STAG1: variants seen among roughly 807,000 people sequenced by gnomAD.
The protein encoded by STAG1 is STAG1 cohesin complex component, also known as cohesin subunit SA-1.
In STAG1, 26 loss-of-function variants were observed where a neutral mutation model predicts 170.9. The ratio of observed to expected loss-of-function variants is 0.15; its 90% CI spans 0.11 to 0.21. The LOEUF is 0.21. Ranked by LOEUF, STAG1 falls within the 10% of genes least tolerant of loss-of-function variation. The pLI, the probability that STAG1 is intolerant of heterozygous loss-of-function variation, is 1.00. For synonymous variants in STAG1, 514 were observed against 497.7 expected, an observed-to-expected ratio of 1.03 and a Z score of -0.44; for missense variants, 964 against 1,509.5, an observed-to-expected ratio of 0.64 and a Z score of 5.99.
At chr3:136,574,415 G>A (rs1301003271) in intron 4 of STAG1, among the ~76,000 whole-genome samples, 1 of 151,110 alleles carries the variant, frequency 6.6e-6, no homozygotes, top group African/African-American at 2.4e-5. Context: ...ACAATAACAG[G>A]TTTCTTATGG....
chr3:136,667,912 G>A (rs1941845821), intron 1 of STAG1, among the ~76,000 whole-genome samples: 1 of 152,084 alleles, frequency 6.6e-6, no homozygotes, highest in African/African-American at 2.4e-5. Context: ...ACCTGGCCGG[G>A]CATGGTGGCT....
At chr3:136,500,355 C>T in intron 8 of STAG1, 59 bp from the exon 9 acceptor site, 1 of 1,184,448 alleles carries the variant, frequency 8.4e-7, no homozygotes, top group Non-Finnish European at 1.2e-6. Flanking sequence ...GAAGGAACAG[C>T]TCCAATTGTT....
In STAG1 at chr3:136,623,169, T is replaced by C. The variant is rs1939941739; in HGVS notation, c.109A>G (p.Arg37Gly). ...EETEVKGKRK[R>G]GRPGRPPSTN... ...ACTGGAGGCCGGCCAGGACGACCCC[T>C]TTTTCTTTTTCCTTTGACCTCTGTT... The change falls in exon 3 of 34, where the codon AGG (arginine) becomes GGG (glycine). Residue 37 changes from arginine to glycine, a missense_variant. Transcript: ENST00000383202. The C allele has an allele frequency of 6.2e-7, 1 of 1,612,612 alleles. No individual in the cohort carries two copies. The highest frequency in any genetic ancestry group is 8.5e-7 in the Non-Finnish European group (1 of 1,179,024).
intron 15 of STAG1, among the ~76,000 whole-genome samples, chr3:136,441,811 A>C (rs1411663893): frequency 6.6e-6 from 1 of 152,208 alleles, no homozygotes; most frequent in Non-Finnish European, 1.5e-5. Context: ...TACACAAGGA[A>C]ATAATCTCTG....
intron 5 of STAG1, among the ~76,000 whole-genome samples, chr3:136,566,960 C>T (rs772740892): frequency 4.6e-5 from 7 of 151,980 alleles, no homozygotes; most frequent in Admixed American, 1.3e-4. Flanking sequence ...CTTTTGTGTA[C>T]GACAGGTGAG....
At chr3:136,542,049 T>C (rs1935936423) in intron 6 of STAG1, 70 bp downstream of exon 6, 1 of 1,157,026 alleles carries the variant, frequency 8.6e-7, no homozygotes. Flanking sequence ...AAACAAAACC[T>C]GAGATAATCA....
chr3:136,450,663 AAC>A (rs2088910225), intron 14 of STAG1, among the ~76,000 whole-genome samples: 1 of 152,238 alleles, frequency 6.6e-6, no homozygotes, highest in Non-Finnish European at 1.5e-5. Flanking sequence ...ACAAATCAAA[AAC>A]ACTTTTTAAC....
At chr3:136,456,993 T>C (rs575900645) in intron 13 of STAG1, among the ~76,000 whole-genome samples, 1 of 152,306 alleles carries the variant, frequency 6.6e-6, no homozygotes, top group Non-Finnish European at 1.5e-5. Flanking sequence ...AGCTGCCTTA[T>C]AAAAAATGCC....
At chr3:136,501,676 C>G (rs1933480645) in intron 8 of STAG1, among the ~76,000 whole-genome samples, 1 of 152,134 alleles carries the variant, frequency 6.6e-6, no homozygotes, top group Admixed American at 6.5e-5. Flanking sequence ...GTTTGTGGTA[C>G]TTTGTCACAG....
chr3:136,390,776 G>A (rs1187860682), intron 22 of STAG1, among the ~76,000 whole-genome samples: 4 of 152,142 alleles, frequency 2.6e-5, no homozygotes, highest in South Asian at 2.1e-4. Flanking sequence ...CAGGAATTCC[G>A]GGCCAGGACT....
chr3:136,537,621 C>T (rs1355327585), intron 6 of STAG1, among the ~76,000 whole-genome samples: 5 of 151,458 alleles, frequency 3.3e-5, no homozygotes, highest in South Asian at 4.2e-4. Flanking sequence ...CTGCCTCAGC[C>T]TCCCCATTAG....
In STAG1 at chr3:136,460,682, TCCC is replaced by T. The variant is rs567900095; in HGVS notation, c.1313+4196_1313+4198del. Among the ~76,000 whole-genome samples the T allele has an allele frequency of 2.1e-5, 3 of 140,674 alleles. No individual in the cohort carries two copies. In the Admixed American group the frequency reaches 2.2e-4, roughly 10 times the overall value. The allele number at this position is 140,674 out of a possible 152,430, so 92.3% of individuals were successfully genotyped here. A position where few individuals can be genotyped will look rare whatever the true frequency, so the allele number is the denominator to read the frequency against. On this transcript the variant is annotated intron_variant, in intron 13 of 33. Transcript: ENST00000383202. ...ATGATACTGAAGCACTAATAAAGTC[TCCC>T]CCCCCAAAAAAAAAAGCCCGGTACC...
Position 136,421,139 on chromosome 3 carries a change from T to C in STAG1, c.2062A>G (p.Ile688Val), listed in dbSNP as rs753887988. Residue 688 changes from isoleucine to valine, a missense_variant, in exon 20 of 34, where the codon ATT becomes GTT. By Grantham distance (29) the Ile-to-Val change is conservative (BLOSUM62 3). Coordinates refer to ENST00000383202, the MANE Select transcript of STAG1 (RefSeq NM_005862.3). ...QEGEEADDDD[I>V]YNVLSTLKRL... Reference sequence around the variant, plus strand: ...TTTAATGTAGAAAGAACATTGTAAATGTCATCATCATCAGCTTCTTCTCCC... The same window carrying C: ...TTTAATGTAGAAAGAACATTGTAAACGTCATCATCATCAGCTTCTTCTCCC... 1.2e-6 allele frequency: 2 copies of C among 1,608,418 alleles called. No homozygotes were observed. The highest frequency in any genetic ancestry group is 2.2e-5 in the South Asian group (2 of 90,000).
At chr3:136,646,717 C>T (rs1274345771) in intron 1 of STAG1, among the ~76,000 whole-genome samples, 4 of 151,978 alleles carry the variant, frequency 2.6e-5, no homozygotes, top group Non-Finnish European at 5.9e-5. Context: ...ATCAGCCTGG[C>T]CAACATGGTG....
chr3:136,462,960 A>G (rs2089315198), intron 13 of STAG1, among the ~76,000 whole-genome samples: 1 of 152,200 alleles, frequency 6.6e-6, no homozygotes, highest in Non-Finnish European at 1.5e-5. Flanking sequence ...TTTCTCTCTG[A>G]AACTACAGAA....
At chr3:136,514,911 G>A (rs192364092) in intron 7 of STAG1, among the ~76,000 whole-genome samples, 44 of 152,138 alleles carry the variant, frequency 2.9e-4, no homozygotes, top group Admixed American at 7.2e-4. Context: ...AGGGCCTGTC[G>A]TGGGGTGGGG....
chr3:136,741,815 C>T (rs1329680540), intron 1 of STAG1, among the ~76,000 whole-genome samples: 1 of 151,964 alleles, frequency 6.6e-6, no homozygotes, highest in African/African-American at 2.4e-5. Context: ...CCATCAAAAG[C>T]AATTTAAATA....
chr3:136,517,051 A>G (rs562503791), intron 7 of STAG1, among the ~76,000 whole-genome samples: 1 of 152,340 alleles, frequency 6.6e-6, no homozygotes, highest in East Asian at 1.9e-4. Context: ...CCTCAGAGGA[A>G]AAGTCTGGAG....
chr3:136,502,783 T>C lies in STAG1; in HGVS notation c.677-4A>G. On this transcript the variant is annotated splice_polypyrimidine_tract_variant and splice_region_variant and intron_variant, in intron 7 of 33. Coordinates refer to ENST00000383202, the MANE Select transcript of STAG1 (RefSeq NM_005862.3). The stretch of plus-strand genomic sequence containing the variant: ...AGAGCAGTCATGAGCTTCATGGCTA[T>C]GAAATGAAGAAATATTATAATACCT... The C allele has an allele frequency of 6.3e-7, 1 of 1,576,098 alleles. No homozygotes were observed. Among genetic ancestry groups the C allele is most frequent in the Non-Finnish European group, 8.6e-7 (1 of 1,165,416 alleles).
Sources: gnomAD v4.1 joint callset for allele counts (sites outside exome capture counted in the v4.1 genomes callset) on GRCh38, gnomAD v4.1.1 for gene constraint, MANE v1.5 for transcripts, NCBI Gene and HGNC (gene_info 2026-07-23, HGNC 2026-07-21) for gene names.